Variants in FEM1C observed in about 807,000 individuals in gnomAD.
The protein encoded by FEM1C is protein fem-1 homolog C.
Under a neutral mutation model 37.6 loss-of-function variants are expected in FEM1C, and 15 were observed. That is an observed-to-expected ratio of 0.40 (90% CI 0.27 to 0.61). The LOEUF (loss-of-function observed/expected upper bound fraction) is 0.61. Among genes scored for constraint, FEM1C ranks in the 20% least tolerant of loss-of-function variants. The pLI, the probability that FEM1C is intolerant of heterozygous loss-of-function variation, is 0.42. For missense variants in FEM1C, 532 were observed against 749.7 expected (o/e 0.71, Z 3.39); for synonymous variants, 287 against 272.8 (o/e 1.05, Z -0.51).
intron 2 of FEM1C, among the ~76,000 whole-genome samples, chr5:115,536,357 C>T (rs1181529936): frequency 2.6e-5 from 4 of 151,892 alleles, no homozygotes; most frequent in Non-Finnish European, 5.9e-5. Flanking sequence ...GACACAAAAA[C>T]AGTCCTCATC....
intron 2 of FEM1C, among the ~76,000 whole-genome samples, chr5:115,532,833 G>A (rs1386241763): frequency 6.6e-6 from 1 of 151,966 alleles, no homozygotes; most frequent in East Asian, 1.9e-4. Flanking sequence ...CACTGCTTCA[G>A]AATTTTTACT....
In FEM1C at chr5:115,521,078, CAAA is replaced by C. The variant is rs11330098; in HGVS notation, c.*3227_*3229del. ...CTAGTTGTTTAGTGACACATAAGGG[CAAA>C]AAAAAAAAAAAGAAAAAGAAAAAAA... On this transcript the variant is annotated 3_prime_UTR_variant, in exon 3 of 3. Coordinates refer to ENST00000274457, the MANE Select transcript of FEM1C (RefSeq NM_020177.3). The C allele has an allele frequency of 7.4e-5, 6 of 80,958 alleles. No homozygotes were observed. The highest frequency in any genetic ancestry group is 3.4e-4 in the East Asian group (1 of 2,976). 5.0% of individuals were successfully genotyped at this position (80,958 alleles called of 1,614,324 possible). A position where few individuals can be genotyped will look rare whatever the true frequency, so the allele number is the denominator to read the frequency against.
chr5:115,539,770 T>C (rs1247048830), intron 2 of FEM1C, among the ~76,000 whole-genome samples: 1 of 152,094 alleles, frequency 6.6e-6, no homozygotes, highest in Non-Finnish European at 1.5e-5. Context: ...TATTGCTCTT[T>C]GTATATCCTA....
At position 115,525,331 on chromosome 5, in the gene FEM1C, G is replaced by T. The variant is rs1241604871; in HGVS notation, c.831C>A (p.Tyr277Ter). The T allele has an allele frequency of 6.2e-7, 1 of 1,613,592 alleles. No homozygotes were observed. ...TACTAATAATATTAGTCCTATCACT[G>T]TACCTCATGTTCATTGCCTTTTTCC... Reference protein sequence around the residue: ...KYWKKAMNMRYSDRTNIISKP... With the variant: ...KYWKKAMNMR The change falls in exon 3 of 3, where the codon TAC becomes TAA. Residue 277 changes from tyrosine to a stop codon, truncating the protein, a stop_gained. Transcript: ENST00000274457. LOFTEE classifies it high-confidence loss of function.
chr5:115,530,101 A>C (rs1179427664), intron 2 of FEM1C, among the ~76,000 whole-genome samples: 1 of 151,980 alleles, frequency 6.6e-6, no homozygotes, highest in African/African-American at 2.4e-5. Flanking sequence ...AAAAGACAAA[A>C]ACTGTCAGAC....
intron 2 of FEM1C, among the ~76,000 whole-genome samples, chr5:115,526,604 C>T (rs555409256): frequency 6.6e-6 from 1 of 152,058 alleles, no homozygotes; most frequent in East Asian, 1.9e-4. Flanking sequence ...TTTTACTAAT[C>T]GTCAAAATAG....
At chr5:115,538,183 C>T (rs1754167300) in intron 2 of FEM1C, among the ~76,000 whole-genome samples, 1 of 151,948 alleles carries the variant, frequency 6.6e-6, no homozygotes, top group South Asian at 2.1e-4. Flanking sequence ...TGTATTCTCT[C>T]TGTGTAAGTT....
At chr5:115,537,737 C>T (rs968500836) in intron 2 of FEM1C, among the ~76,000 whole-genome samples, 27 of 152,034 alleles carry the variant, frequency 1.8e-4, no homozygotes, top group Non-Finnish European at 5.9e-5. Context: ...TCCCTCCCTT[C>T]CCCCTTTTAT....
At chr5:115,530,753 C>T (rs753405581) in intron 2 of FEM1C, among the ~76,000 whole-genome samples, 18 of 152,112 alleles carry the variant, frequency 1.2e-4, no homozygotes, top group Non-Finnish European at 2.6e-4. Context: ...ATTTTTAATA[C>T]TCACTTGCTT....
chr5:115,538,976 G>A (rs977128197), intron 2 of FEM1C, among the ~76,000 whole-genome samples: 4 of 151,850 alleles, frequency 2.6e-5, no homozygotes, highest in Non-Finnish European at 2.9e-5. Context: ...CAGTACACCC[G>A]CTCTAAAATC....
chr5:115,530,118 T>C (rs1753984852), intron 2 of FEM1C, among the ~76,000 whole-genome samples: 3 of 151,914 alleles, frequency 2.0e-5, no homozygotes, highest in Admixed American at 2.0e-4. Flanking sequence ...AGACTGAAGA[T>C]ACAAAGAAAA....
chr5:115,527,221 G>T (rs1485168038), intron 2 of FEM1C, among the ~76,000 whole-genome samples: 1 of 152,026 alleles, frequency 6.6e-6, no homozygotes, highest in Non-Finnish European at 1.5e-5. Context: ...AAATTTGGGG[G>T]TGGCTTTGGG....
chr5:115,522,158 A>T lies in FEM1C; in HGVS notation c.*2150T>A, dbSNP rs1446025401. On this transcript the variant is annotated 3_prime_UTR_variant, in exon 3 of 3. Coordinates refer to ENST00000274457, the MANE Select transcript of FEM1C (RefSeq NM_020177.3). ...AAAGAGGAGGAGGAAATACTAAATC[A>T]ATTAAAAATTCAATTGTCATCTGTT... is the stretch of plus-strand genomic sequence containing the variant. 6.6e-6 allele frequency: 1 copy of T among 151,528 alleles called. No homozygotes were observed. Among genetic ancestry groups the T allele is most frequent in the African/African-American group, 2.4e-5 (1 of 41,292 alleles). 9.4% of individuals were successfully genotyped at this position (151,528 alleles called of 1,614,324 possible).
intron 2 of FEM1C, among the ~76,000 whole-genome samples, chr5:115,536,112 A>AT (rs1023492662): frequency 2.6e-5 from 4 of 151,762 alleles, no homozygotes; most frequent in African/African-American, 9.7e-5. Flanking sequence ...TGGATATGAG[A>AT]TTTTTTCCGG....
chr5:115,526,797 T>C (rs1475737079), intron 2 of FEM1C, among the ~76,000 whole-genome samples: 1 of 152,066 alleles, frequency 6.6e-6, no homozygotes, highest in African/African-American at 2.4e-5. Flanking sequence ...GGTAAATAGT[T>C]CTCTATACTG....
At chr5:115,543,806 CACA>C in intron 1 of FEM1C, 123 bp from the exon 2 acceptor site, 1 of 1,056,070 alleles carries the variant, frequency 9.5e-7, no homozygotes, top group Non-Finnish European at 1.1e-6. Flanking sequence ...TACTCCATCC[CACA>C]CACCCCCCCC....
At chr5:115,543,952 C>T (rs1427607773) in intron 1 of FEM1C, 1 of 985,294 alleles carries the variant, frequency 1.0e-6, no homozygotes. Flanking sequence ...GCCTCCAGCT[C>T]TAACCAGCCA....
intron 2 of FEM1C, among the ~76,000 whole-genome samples, chr5:115,529,726 G>A (rs1753977077): frequency 6.6e-6 from 1 of 151,912 alleles, no homozygotes; most frequent in South Asian, 2.1e-4. Flanking sequence ...AATTATGGAG[G>A]GTAATTGGTG....
intron 2 of FEM1C, among the ~76,000 whole-genome samples, chr5:115,537,692 C>T (rs750912554): frequency 1.3e-5 from 2 of 152,024 alleles, no homozygotes; most frequent in African/African-American, 2.4e-5. Flanking sequence ...TTAAACATTA[C>T]TCAATCAAAA....
Sources: gnomAD v4.1 joint callset for allele counts (sites outside exome capture counted in the v4.1 genomes callset) on GRCh38, gnomAD v4.1.1 for gene constraint, MANE v1.5 for transcripts, NCBI Gene and HGNC (gene_info 2026-07-23, HGNC 2026-07-21) for gene names.